The following ANO3 variants were observed in gnomAD, a reference collection of about 807,000 sequenced individuals.
The protein encoded by ANO3 is anoctamin 3.
Under a neutral mutation model 144.8 loss-of-function variants are expected in ANO3, and 99 were observed. The observed-to-expected ratio is 0.68, with a 90% CI of 0.58 to 0.81. ANO3 has a LOEUF of 0.81. Ranked by LOEUF, ANO3 falls within the 30% of genes least tolerant of loss-of-function variation. The probability of loss-of-function intolerance (pLI) is 0.00; values close to 1 mark genes in which losing one functional copy is unlikely to be tolerated. For synonymous variants in ANO3, 414 were observed against 392.6 expected, an observed-to-expected ratio of 1.05 and a Z score of -0.64; for missense variants, 905 against 1,202.2, an observed-to-expected ratio of 0.75 and a Z score of 3.66.
intron 24 of ANO3, among the ~76,000 whole-genome samples, chr11:26,648,296 T>C (rs1314722305): frequency 3.9e-5 from 6 of 152,144 alleles, no homozygotes; most frequent in African/African-American, 1.4e-4. Context: ...GCTCTGTGAC[T>C]GGAGATTTTC....
chr11:26,280,682 A>C (rs1252247457), intron 1 of ANO3, among the ~76,000 whole-genome samples: 1 of 152,138 alleles, frequency 6.6e-6, no homozygotes, highest in Non-Finnish European at 1.5e-5. Flanking sequence ...CCTCACAGAC[A>C]CACCCAGGAA....
chr11:26,605,092 A>C (rs1300367153), intron 17 of ANO3, among the ~76,000 whole-genome samples: 1 of 152,162 alleles, frequency 6.6e-6, no homozygotes, highest in Admixed American at 6.6e-5. Context: ...ATGTTCCATC[A>C]GTACCTATTT....
chr11:26,202,220 C>A (rs977944792), intron 1 of ANO3, among the ~76,000 whole-genome samples: 19 of 144,236 alleles, frequency 1.3e-4, no homozygotes, highest in Admixed American at 1.4e-4. Flanking sequence ...AATGTCATTC[C>A]TTTTATATTT....
At chr11:26,306,296 C>G (rs534752990), upstream of ANO3, among the ~76,000 whole-genome samples, 4 of 152,118 alleles carry the variant, frequency 2.6e-5, no homozygotes, top group Non-Finnish European at 4.4e-5. Context: ...TCTTGTCTTT[C>G]AAGAACTTAA....
chr11:26,480,140 T>C lies in ANO3; in HGVS notation c.432+16992T>C, dbSNP rs183033285. Among the ~76,000 whole-genome samples the C allele has an allele frequency of 5.9e-5, 9 of 152,248 alleles. No individual in the cohort carries two copies. In the Middle Eastern group the frequency reaches 0.014, roughly 230 times the overall value. ...AGGACAGTAGGGATTTATATAACAG[T>C]CTCATGCAGAAACTTCTAATGCCTC... On this transcript the variant is annotated intron_variant, in intron 4 of 26. Coordinates refer to ENST00000256737, the MANE Select transcript of ANO3 (RefSeq NM_031418.4).
At chr11:26,399,138 G>A (rs1398430479) in intron 1 of ANO3, among the ~76,000 whole-genome samples, 1 of 151,836 alleles carries the variant, frequency 6.6e-6, no homozygotes, top group Admixed American at 6.6e-5. Flanking sequence ...ATAAAATTCT[G>A]CCCAACCTCA....
chr11:26,200,845 T>A (rs1851679543), intron 1 of ANO3, among the ~76,000 whole-genome samples: 3 of 152,168 alleles, frequency 2.0e-5, no homozygotes, highest in Admixed American at 6.6e-5. Flanking sequence ...CAGAAATTTT[T>A]AAAAAATTAT....
At chr11:26,332,413 T>A (rs1248114307) in intron 1 of ANO3, 92 bp downstream of exon 1, 7 of 1,241,460 alleles carry the variant, frequency 5.6e-6, no homozygotes, top group African/African-American at 1.5e-5. Flanking sequence ...TGCAGGCTTA[T>A]GCGACACAGA....
intron 18 of ANO3, among the ~76,000 whole-genome samples, chr11:26,627,177 T>C (rs1852614779): frequency 6.6e-6 from 1 of 152,020 alleles, no homozygotes; most frequent in Non-Finnish European, 1.5e-5. Flanking sequence ...GGAGAAACAA[T>C]GTTTTGAAAG....
intron 17 of ANO3, among the ~76,000 whole-genome samples, chr11:26,618,767 T>C (rs1280094416): frequency 6.6e-6 from 1 of 152,180 alleles, no homozygotes; most frequent in East Asian, 1.9e-4. Context: ...TTTATACCCC[T>C]GTCTCTTTCT....
chr11:26,497,015 CAT>C (rs1178366152), intron 4 of ANO3, among the ~76,000 whole-genome samples: 14 of 61,236 alleles, frequency 2.3e-4, no homozygotes, highest in Non-Finnish European at 4.0e-4. Flanking sequence ...GACACACACA[CAT>C]ATATACAGAC....
At chr11:26,560,078 A>G (rs543626001) in intron 14 of ANO3, 48 of 279,130 alleles carry the variant, frequency 1.7e-4, no homozygotes, top group African/African-American at 1.0e-3. Context: ...TAGAATCCAA[A>G]TTAATCTTCT....
intron 3 of ANO3, among the ~76,000 whole-genome samples, chr11:26,457,943 A>G (rs1258845770): frequency 6.6e-6 from 1 of 152,136 alleles, no homozygotes; most frequent in East Asian, 1.9e-4. Context: ...TTTAGATTTT[A>G]AAACACTATC....
chr11:26,205,317 C>T (rs1851775828), intron 1 of ANO3, among the ~76,000 whole-genome samples: 1 of 152,128 alleles, frequency 6.6e-6, no homozygotes, highest in Non-Finnish European at 1.5e-5. Context: ...CATTGTACAG[C>T]TTATTTAATA....
intron 1 of ANO3, among the ~76,000 whole-genome samples, chr11:26,412,845 GGTAAA>G (rs1857470299): frequency 1.2e-5 from 1 of 81,922 alleles, no homozygotes; most frequent in Admixed American, 1.5e-4. Context: ...TGCATTATTG[GGTAAA>G]GTAAAGATAG....
chr11:26,564,732 CATATATATATATATATATATATAT>C (rs66510170), intron 14 of ANO3, among the ~76,000 whole-genome samples: 430 of 25,390 alleles, frequency 0.017, 5 homozygotes, highest in Middle Eastern at 0.075. Flanking sequence ...CACACACACA[CATATATATATATATATATATATAT>C]ATATATATAT....
chr11:26,284,525 G>A (rs1468377761), intron 1 of ANO3, among the ~76,000 whole-genome samples: 1 of 152,170 alleles, frequency 6.6e-6, no homozygotes, highest in Non-Finnish European at 1.5e-5. Context: ...GAATGAGAGA[G>A]CTTTTAACTT....
chr11:26,400,405 GTGTT>G (rs1224204161), intron 1 of ANO3, among the ~76,000 whole-genome samples: 13 of 151,880 alleles, frequency 8.6e-5, no homozygotes. Context: ...TTCCCAAATT[GTGTT>G]TGTTTTTTTA....
intron 14 of ANO3, among the ~76,000 whole-genome samples, chr11:26,586,509 T>TTTTTTTTTTTTTTTTTTTTTTC (rs1851287036): frequency 7.5e-6 from 1 of 134,042 alleles, no homozygotes; most frequent in African/African-American, 2.8e-5. Context: ...GAATCTTTTT[T>TTTTTTTTTTTTTTTTTTTTTTC]TTTTTTTTTT....
Sources: allele counts gnomAD v4.1 joint callset (sites outside exome capture counted in the v4.1 genomes callset), GRCh38; gene constraint gnomAD v4.1.1; transcripts MANE v1.5; gene names NCBI Gene and HGNC (gene_info 2026-07-23, HGNC 2026-07-21).